Variants in RIMS2 observed in about 807,000 individuals in gnomAD.
RIMS2 encodes regulating synaptic membrane exocytosis protein 2.
A neutral mutation model predicts 174.4 loss-of-function variants in RIMS2; 59 were observed. The ratio of observed to expected loss-of-function variants is 0.34; its 90% CI spans 0.27 to 0.42. The LOEUF (loss-of-function observed/expected upper bound fraction) is 0.42. Among genes scored for constraint, RIMS2 ranks in the 10% least tolerant of loss-of-function variants. The probability of loss-of-function intolerance (pLI) is 1.00; values close to 1 mark genes in which losing one functional copy is unlikely to be tolerated. For synonymous variants in RIMS2, 606 were observed against 572.5 expected (o/e 1.06, Z -0.84); for missense variants, 1,620 against 1,666.3 (o/e 0.97, Z 0.48).
At chr8:103,983,693 A>G (rs1384791926) in intron 16 of RIMS2, among the ~76,000 whole-genome samples, 2 of 152,204 alleles carry the variant, frequency 1.3e-5, no homozygotes, top group Non-Finnish European at 2.9e-5. Flanking sequence ...CTGGATATCT[A>G]TATGAATAAT....
chr8:103,626,612 A>G (rs2095792744), intron 1 of RIMS2, among the ~76,000 whole-genome samples: 1 of 152,224 alleles, frequency 6.6e-6, no homozygotes, highest in Non-Finnish European at 1.5e-5. Flanking sequence ...CATAAAAAAT[A>G]TTGATGTCTA....
chr8:103,984,730 C>T (rs926143111), intron 16 of RIMS2, among the ~76,000 whole-genome samples: 3 of 152,184 alleles, frequency 2.0e-5, no homozygotes, highest in Non-Finnish European at 2.9e-5. Flanking sequence ...ATCGGTATAT[C>T]AAAGGCATAT....
intron 3 of RIMS2, among the ~76,000 whole-genome samples, chr8:103,864,438 A>G (rs928892441): frequency 6.6e-5 from 10 of 152,268 alleles, no homozygotes; most frequent in African/African-American, 2.4e-4. Flanking sequence ...CCCAAAAGTC[A>G]TTTAGGAGCA....
chr8:103,865,293 T>C (rs2099079517), intron 3 of RIMS2, among the ~76,000 whole-genome samples: 1 of 146,080 alleles, frequency 6.8e-6, no homozygotes, highest in African/African-American at 2.5e-5. Flanking sequence ...TCTTTTTTTT[T>C]TTTTTTTTTG....
At chr8:103,765,672 G>A (rs1221341324) in intron 2 of RIMS2, among the ~76,000 whole-genome samples, 1 of 151,710 alleles carries the variant, frequency 6.6e-6, no homozygotes, top group Non-Finnish European at 1.5e-5. Flanking sequence ...TATAATTGCG[G>A]TTAGAATGTT....
intron 14 of RIMS2, among the ~76,000 whole-genome samples, chr8:103,953,746 TAACA>T (rs2086193763): frequency 6.6e-6 from 1 of 152,070 alleles, no homozygotes; most frequent in African/African-American, 2.4e-5. Flanking sequence ...AATTCACACA[TAACA>T]ATATTAACCT....
chr8:103,501,012 C>G, exon 1 of RIMS2: 1 of 1,611,124 alleles, frequency 6.2e-7, no homozygotes, highest in Non-Finnish European at 8.5e-7. Context: ...TCATCCTGGC[C>G]GTCATGGATA....
chr8:103,984,740 T>C (rs1401591972), intron 16 of RIMS2, among the ~76,000 whole-genome samples: 1 of 152,200 alleles, frequency 6.6e-6, no homozygotes, highest in Non-Finnish European at 1.5e-5. Context: ...CAAAGGCATA[T>C]TTGCCCTGTC....
intron 21 of RIMS2, among the ~76,000 whole-genome samples, 177 bp downstream of exon 27, chr8:104,248,990 A>G (rs1230250522): frequency 1.4e-5 from 2 of 144,234 alleles, no homozygotes; most frequent in African/African-American, 5.3e-5. Flanking sequence ...GTGCAGTGGC[A>G]TGATTATGGT....
At chr8:103,979,724 TCTC>T (rs1434661682) in intron 16 of RIMS2, among the ~76,000 whole-genome samples, 6 of 152,162 alleles carry the variant, frequency 3.9e-5, no homozygotes, top group Non-Finnish European at 8.8e-5. Context: ...ATGCCATCCT[TCTC>T]CTAACCCCCA....
chr8:104,235,962 G>T (rs888247161), intron 19 of RIMS2, among the ~76,000 whole-genome samples: 1 of 151,848 alleles, frequency 6.6e-6, no homozygotes, highest in Non-Finnish European at 1.5e-5. Flanking sequence ...ATTGCATTTG[G>T]TTGTTACGCA....
chr8:103,588,175 T>G (rs935436585), intron 1 of RIMS2, among the ~76,000 whole-genome samples: 1 of 151,818 alleles, frequency 6.6e-6, no homozygotes, highest in Non-Finnish European at 1.5e-5. Flanking sequence ...ATTAAATACC[T>G]AGAAATTAGC....
At chr8:103,786,755 G>C (rs751286964) in intron 3 of RIMS2, among the ~76,000 whole-genome samples, 4 of 152,182 alleles carry the variant, frequency 2.6e-5, no homozygotes, top group Non-Finnish European at 5.9e-5. Flanking sequence ...CTGTTGATTT[G>C]GGGTGGAGAG....
chr8:103,608,381 A>G (rs1372729383), intron 1 of RIMS2, among the ~76,000 whole-genome samples: 2 of 143,600 alleles, frequency 1.4e-5, no homozygotes, highest in Non-Finnish European at 3.1e-5. Context: ...TGGGAGAACC[A>G]CTGCTCTCTT....
chr8:103,661,638 G>A (rs2096601875), intron 1 of RIMS2, among the ~76,000 whole-genome samples: 1 of 152,002 alleles, frequency 6.6e-6, no homozygotes, highest in Non-Finnish European at 1.5e-5. Flanking sequence ...CGAGTAGCTG[G>A]GATTACAGGC....
chr8:103,742,985 A>G (rs1418205517), intron 2 of RIMS2, among the ~76,000 whole-genome samples: 1 of 152,170 alleles, frequency 6.6e-6, no homozygotes, highest in Non-Finnish European at 1.5e-5. Context: ...CAGGCTTTTT[A>G]AGGTCTGATC....
At chr8:103,810,363 C>T (rs1450987909) in intron 3 of RIMS2, among the ~76,000 whole-genome samples, 2 of 152,086 alleles carry the variant, frequency 1.3e-5, no homozygotes, top group Non-Finnish European at 2.9e-5. Flanking sequence ...AGCCAAGTAC[C>T]TTCCAACTCA....
intron 2 of RIMS2, among the ~76,000 whole-genome samples, chr8:103,715,177 A>T (rs546019249): frequency 6.6e-6 from 1 of 152,290 alleles, no homozygotes; most frequent in Non-Finnish European, 1.5e-5. Flanking sequence ...TTTTATTGTA[A>T]GTTTCAGGAT....
chr8:103,914,478 A>G (rs2076300766), intron 6 of RIMS2, among the ~76,000 whole-genome samples: 2 of 152,242 alleles, frequency 1.3e-5, no homozygotes, highest in African/African-American at 4.8e-5. Context: ...ATCAATAATC[A>G]TTATAGCCAG....
Sources: allele counts gnomAD v4.1 joint callset (sites outside exome capture counted in the v4.1 genomes callset), GRCh38; gene constraint gnomAD v4.1.1; transcripts MANE v1.5; gene names NCBI Gene and HGNC (gene_info 2026-07-23, HGNC 2026-07-21).